COP1: variants seen among roughly 807,000 people sequenced by gnomAD.
COP1 encodes E3 ubiquitin-protein ligase COP1.
In COP1, 24 loss-of-function variants were observed where a neutral mutation model predicts 101.3. The observed-to-expected ratio is 0.24, with a 90% CI of 0.17 to 0.33. The LOEUF (loss-of-function observed/expected upper bound fraction) is 0.33. Among genes scored for constraint, COP1 ranks in the 10% least tolerant of loss-of-function variants. COP1 has a pLI of 1.00. For missense variants in COP1, 663 were observed against 906.2 expected, an observed-to-expected ratio of 0.73 and a Z score of 3.45; for synonymous variants, 347 against 341.9, an observed-to-expected ratio of 1.01 and a Z score of -0.17.
At chr1:176,020,408 C>T (rs923955692) in intron 15 of COP1, among the ~76,000 whole-genome samples, 7 of 151,632 alleles carry the variant, frequency 4.6e-5, no homozygotes, top group Admixed American at 3.3e-4. Context: ...CACTGTAAGG[C>T]TGGGCATGGT....
intron 9 of COP1, among the ~76,000 whole-genome samples, chr1:176,089,257 C>G (rs1680830037): frequency 6.6e-6 from 1 of 151,776 alleles, no homozygotes; most frequent in South Asian, 2.1e-4. Flanking sequence ...CGAGCCAGTG[C>G]ACCCCAGCCT....
At chr1:175,949,695 CCA>C (rs1318530214) in intron 18 of COP1, among the ~76,000 whole-genome samples, 11 of 152,194 alleles carry the variant, frequency 7.2e-5, no homozygotes, top group Non-Finnish European at 1.5e-5. Context: ...AATGCTGCAG[CCA>C]TCATGAACTG....
intron 15 of COP1, chr1:176,017,368 C>T (rs375173080): frequency 2.6e-5 from 4 of 152,068 alleles, no homozygotes; most frequent in African/African-American, 9.7e-5. Flanking sequence ...GTCCTCAATG[C>T]CCTAGCTTTT....
At chr1:176,192,734 C>T (rs994634484) in intron 1 of COP1, among the ~76,000 whole-genome samples, 2 of 151,992 alleles carry the variant, frequency 1.3e-5, no homozygotes, top group African/African-American at 4.8e-5. Flanking sequence ...ATTTCTATTA[C>T]AGTATAAGAA....
intron 18 of COP1, among the ~76,000 whole-genome samples, chr1:175,974,644 A>C (rs558616353): frequency 3.3e-5 from 5 of 152,322 alleles, no homozygotes; most frequent in Non-Finnish European, 7.4e-5. Context: ...GATTATGAGA[A>C]AGAATCAAAG....
intron 6 of COP1, among the ~76,000 whole-genome samples, chr1:176,145,328 G>GA (rs1305144125): frequency 1.3e-5 from 2 of 151,768 alleles, no homozygotes; most frequent in African/African-American, 2.4e-5. Context: ...AGCTAAACTG[G>GA]AAAAAAAATC....
intron 1 of COP1, among the ~76,000 whole-genome samples, chr1:176,201,769 T>C (rs922477446): frequency 3.3e-5 from 5 of 152,212 alleles, no homozygotes; most frequent in African/African-American, 1.2e-4. Flanking sequence ...ACAGTACCAA[T>C]AGGTCTGATA....
chr1:175,988,797 C>T (rs1657736580), intron 16 of COP1: 1 of 161,180 alleles, frequency 6.2e-6, no homozygotes, highest in Admixed American at 6.0e-5. Context: ...CACACCACTG[C>T]ACTCCAGCCT....
intron 1 of COP1, among the ~76,000 whole-genome samples, chr1:176,188,975 T>C (rs1032448499): frequency 6.6e-6 from 1 of 152,064 alleles, no homozygotes; most frequent in African/African-American, 2.4e-5. Flanking sequence ...AGACAGTAAC[T>C]GAAATCATTT....
At chr1:175,998,046 A>G (rs931554035) in intron 15 of COP1, among the ~76,000 whole-genome samples, 17 of 132,342 alleles carry the variant, frequency 1.3e-4, no homozygotes, top group African/African-American at 4.9e-4. Flanking sequence ...CATGTACCCT[A>G]AAACTTAGAG....
At position 175,956,807 on chromosome 1, in the gene COP1, A is replaced by G. The variant is rs187737746; in HGVS notation, c.2134-9568T>C. Among the ~76,000 whole-genome samples the G allele has an allele frequency of 3.0e-3, 455 of 152,322 alleles. 2 individuals are homozygous for G. The highest frequency in any genetic ancestry group is 0.01 in the African/African-American group (428 of 41,590). ...AAAAAAGTTACTGTAAAATAGGCTC[A>G]GGCAGGTCCTTCAGGAGATACTCCA... On this transcript the variant is annotated intron_variant, in intron 18 of 19. Coordinates refer to ENST00000367669, the MANE Select transcript of COP1 (RefSeq NM_022457.7).
chr1:176,127,741 T>A (rs988385011), intron 8 of COP1, among the ~76,000 whole-genome samples: 1 of 152,180 alleles, frequency 6.6e-6, no homozygotes, highest in Non-Finnish European at 1.5e-5. Flanking sequence ...GTGATTTTAT[T>A]TCCTTTGAGA....
chr1:175,976,305 T>TCTTG (rs1374463185), intron 18 of COP1, among the ~76,000 whole-genome samples: 2 of 120,690 alleles, frequency 1.7e-5, no homozygotes, highest in Non-Finnish European at 3.4e-5. Context: ...TTAGACAGAG[T>TCTTG]CTTGCTCTGT....
rs1019236126 is a variant in COP1, at chr1:175,947,097, A to T, written c.2178+98T>A. 11 of 823,186 alleles carry T rather than the reference A, an allele frequency of 1.3e-5. No individual in the cohort carries two copies. The African/African-American group carries it at 1.7e-4, about 13-fold the overall frequency. 51.0% of individuals were successfully genotyped at this position (823,186 alleles called of 1,614,324 possible). A position where few individuals can be genotyped will look rare whatever the true frequency, so the allele number is the denominator to read the frequency against. ...AGGAGACACAGACCCATGATTTGGG[A>T]TGATCTCTAAGGCTCAGTACAATGG... is the stretch of plus-strand genomic sequence containing the variant. On this transcript the variant is annotated intron_variant, in intron 19 of 19. Transcript: ENST00000367669.
At chr1:176,089,517 A>C (rs1454310976) in intron 9 of COP1, among the ~76,000 whole-genome samples, 1 of 152,250 alleles carries the variant, frequency 6.6e-6, no homozygotes, top group African/African-American at 2.4e-5. Flanking sequence ...ACCTGCTGGC[A>C]CAAGTTCACC....
chr1:176,124,126 G>A (rs537893389), intron 8 of COP1, among the ~76,000 whole-genome samples: 129 of 151,864 alleles, frequency 8.5e-4, no homozygotes, highest in African/African-American at 3.1e-3. Flanking sequence ...TAAATTTTTA[G>A]TGTTTCTGGG....
At chr1:176,031,771 C>CAGAA (rs560465402) in intron 14 of COP1, among the ~76,000 whole-genome samples, 29 of 152,222 alleles carry the variant, frequency 1.9e-4, no homozygotes, top group Non-Finnish European at 3.5e-4. Context: ...TGTAAAGTGT[C>CAGAA]TTCTAAGTGT....
chr1:176,118,709 A>G (rs1686609328), intron 8 of COP1, among the ~76,000 whole-genome samples: 1 of 152,206 alleles, frequency 6.6e-6, no homozygotes. Flanking sequence ...TGAGCTATGC[A>G]TCGCTGCATT....
At chr1:176,185,230 AC>A in intron 1 of COP1, among the ~76,000 whole-genome samples, 2 of 152,272 alleles carry the variant, frequency 1.3e-5, no homozygotes, top group Middle Eastern at 6.8e-3. Context: ...ATATATATTG[AC>A]TCATTTAATA....
Sources: gnomAD v4.1 joint callset for allele counts (sites outside exome capture counted in the v4.1 genomes callset) on GRCh38, gnomAD v4.1.1 for gene constraint, MANE v1.5 for transcripts, NCBI Gene and HGNC (gene_info 2026-07-23, HGNC 2026-07-21) for gene names.